The following BFSP1 variants were observed in gnomAD, a reference collection of about 807,000 sequenced individuals.
BFSP1 encodes beaded filament structural protein 1.
BFSP1 carries 38 observed loss-of-function variants against 43.9 expected under a neutral mutation model. The observed-to-expected ratio is 0.87, with a 90% CI of 0.67 to 1.14. The LOEUF (loss-of-function observed/expected upper bound fraction) is 1.14. BFSP1 is among the 50% of genes most tolerant of loss of function. BFSP1 has a pLI of 0.00. For missense variants in BFSP1, 850 were observed against 875.1 expected (o/e 0.97, Z 0.36); for synonymous variants, 352 against 354.8 (o/e 0.99, Z 0.09).
At chr20:17,520,210 G>GCCCCCCCCCCCCCCCCCCCCCCCCCCC (rs138070825) in intron 2 of BFSP1, among the ~76,000 whole-genome samples, 8 of 133,328 alleles carry the variant, frequency 6.0e-5, no homozygotes, top group African/African-American at 1.2e-4. Flanking sequence ...GTTTTAACGT[G>GCCCCCCCCCCCCCCCCCCCCCCCCCCC]CCCCCCCACC....
intron 1 of BFSP1, among the ~76,000 whole-genome samples, chr20:17,529,568 CA>C (rs975165207): frequency 4.1e-5 from 6 of 146,062 alleles, no homozygotes; most frequent in South Asian, 2.2e-4. Context: ...TTTATGCAAG[CA>C]AAAAAAAAAC....
chr20:17,538,527 C>T (rs2034665806), intron 1 of BFSP1, among the ~76,000 whole-genome samples: 1 of 152,166 alleles, frequency 6.6e-6, no homozygotes, highest in Non-Finnish European at 1.5e-5. Context: ...CTTTGATTCA[C>T]CAGATGGTAT....
At chr20:17,533,226 A>C (rs2034576586), upstream of BFSP1, among the ~76,000 whole-genome samples, 1 of 152,128 alleles carries the variant, frequency 6.6e-6, no homozygotes, top group African/African-American at 2.4e-5. Context: ...AAATACATAA[A>C]ATGTAATTGT....
chr20:17,569,053 G>A (rs1334229755), intron 1 of BFSP1: 1 of 152,170 alleles, frequency 6.6e-6, no homozygotes, highest in Non-Finnish European at 1.5e-5. Context: ...ACTGAGCGGC[G>A]GGGCTGGCGC....
intron 1 of BFSP1, among the ~76,000 whole-genome samples, chr20:17,554,943 A>G (rs944469429): frequency 2.0e-5 from 3 of 152,218 alleles, no homozygotes; most frequent in Admixed American, 2.0e-4. Context: ...AATGAATTAT[A>G]ATTAACTAAA....
rs974152348 is a variant in BFSP1 at position 17,494,498 on chromosome 20, T to C, written c.1574A>G (p.Gln525Arg). 35 of 1,614,098 alleles carry C rather than the reference T, an allele frequency of 2.2e-5. No individual in the cohort carries two copies. Among genetic ancestry groups the C allele is most frequent in the Non-Finnish European group, 2.9e-5 (34 of 1,180,038 alleles). Reference protein sequence around the residue: ...ESPKPPLENGQVGLQEKEDGQ... With the variant: ...ESPKPPLENGRVGLQEKEDGQ... ...ATCTTCTTTCTCCTGCAGACCCACCTGCCCATTCTCTAAAGGGGGCTTGGG... is the reference window on the plus strand; with the variant it reads ...ATCTTCTTTCTCCTGCAGACCCACCCGCCCATTCTCTAAAGGGGGCTTGGG... The change falls in exon 8 of 8, where the codon CAG (glutamine) becomes CGG (arginine). Residue 525 changes from glutamine (Q) to arginine (R), a missense_variant. Transcript: ENST00000377873.
chr20:17,522,926 C>T (rs966043857), intron 2 of BFSP1, among the ~76,000 whole-genome samples: 3 of 152,204 alleles, frequency 2.0e-5, no homozygotes, highest in Admixed American at 6.5e-5. Context: ...ACACTCCTCG[C>T]TGGGGCTCTG....
chr20:17,530,767 T>G (rs2034516033), intron 1 of BFSP1, among the ~76,000 whole-genome samples, 186 bp downstream of exon 1: 1 of 152,244 alleles, frequency 6.6e-6, no homozygotes, highest in Admixed American at 6.5e-5. Context: ...AACTGTGACG[T>G]GCCATCAAAA....
chr20:17,494,134 C>CT lies in BFSP1; in HGVS notation c.1937_1938insA (p.Glu647GlyfsTer28), dbSNP rs747929378. ...ACTTTGTCTTTCCAATCATGGTCTC[C>CT]ACGATCACAGCGGTTTCTTCATATG... On this transcript the variant is annotated frameshift_variant, in exon 8 of 8. Transcript: ENST00000377873. LOFTEE classifies it high-confidence loss of function. 26 of 1,614,040 alleles carry CT rather than the reference C, an allele frequency of 1.6e-5. No homozygotes were observed. The highest frequency in any genetic ancestry group is 1.3e-5 in the African/African-American group (1 of 74,918).
At chr20:17,502,177 A>G (rs900484475) in intron 5 of BFSP1, among the ~76,000 whole-genome samples, 43 of 137,896 alleles carry the variant, frequency 3.1e-4, no homozygotes, top group Non-Finnish European at 5.9e-4. Context: ...GCTCCTTTGG[A>G]AAAAAAAAAA....
chr20:17,567,512 A>C (rs2035132867), intron 1 of BFSP1, among the ~76,000 whole-genome samples: 1 of 152,118 alleles, frequency 6.6e-6, no homozygotes, highest in African/African-American at 2.4e-5. Flanking sequence ...TCCACCCCTC[A>C]ACCCCGGAAT....
In BFSP1 at chr20:17,507,558, C is replaced by T. The variant is rs1305670870; in HGVS notation, c.735+1331G>A. Among the ~76,000 whole-genome samples, 2 of 151,998 alleles carry T rather than the reference C, an allele frequency of 1.3e-5. No homozygotes were observed. Among genetic ancestry groups the T allele is most frequent in the African/African-American group, 4.8e-5 (2 of 41,382 alleles). On this transcript the variant is annotated intron_variant, in intron 5 of 7. Coordinates refer to ENST00000377873, the MANE Select transcript of BFSP1 (RefSeq NM_001195.5). The surrounding 1 kb of genome is among the most constrained non-coding windows in gnomAD (Gnocchi z 4.4). ...GTATCCACGTCCCTATTCACATACA[C>T]AGCACACACACATACACATGACACA...
intron 1 of BFSP1, among the ~76,000 whole-genome samples, chr20:17,528,150 T>C (rs75190333): frequency 0.013 from 2,040 of 152,318 alleles, 15 homozygotes; most frequent in Non-Finnish European, 0.024. Flanking sequence ...TGTGTGTGCC[T>C]ATGGATGTGG....
chr20:17,503,704 G>A (rs1443811936), intron 5 of BFSP1, among the ~76,000 whole-genome samples: 1 of 152,170 alleles, frequency 6.6e-6, no homozygotes, highest in African/African-American at 2.4e-5. Context: ...CCTCCTCCCT[G>A]CTGCAGGCAA....
intron 5 of BFSP1, among the ~76,000 whole-genome samples, chr20:17,504,075 T>A (rs559108948): frequency 6.6e-6 from 1 of 152,210 alleles, no homozygotes; most frequent in African/African-American, 2.4e-5. Context: ...TGTGCATTTG[T>A]GTTTGTTTGA....
rs528982215 is a variant in BFSP1, at chr20:17,498,536, C to G, written c.956+284G>C. ...AGGCCTATGAGCAAAACACAGGCTT[C>G]TCAGTGAGGCCTTTTCTGACCACCC... On this transcript the variant is annotated intron_variant, in intron 6 of 7. Coordinates refer to ENST00000377873, the MANE Select transcript of BFSP1 (RefSeq NM_001195.5). 2.4e-3 allele frequency among the ~76,000 whole-genome samples: 370 copies of G among 152,310 alleles called. 1 individual carries two copies. The highest frequency in any genetic ancestry group is 3.0e-3 in the Non-Finnish European group (203 of 68,016).
chr20:17,549,878 A>G (rs1248919119), intron 1 of BFSP1, among the ~76,000 whole-genome samples: 1 of 152,112 alleles, frequency 6.6e-6, no homozygotes, highest in East Asian at 1.9e-4. Flanking sequence ...ACCACTCATA[A>G]AGGATCTACC....
chr20:17,515,326 C>T lies in BFSP1; in HGVS notation c.439-510G>A, dbSNP rs1250435363. On this transcript the variant is annotated intron_variant, in intron 2 of 7. Coordinates refer to ENST00000377873, the MANE Select transcript of BFSP1 (RefSeq NM_001195.5). ...TAACGTCTATATTTGTTCTATATCT[C>T]ATCATCAGTGAGTTGGGTTTCTAAG... Among the ~76,000 whole-genome samples the T allele has an allele frequency of 3.3e-5, 5 of 152,162 alleles. No individual in the cohort carries two copies. In the East Asian group the frequency reaches 7.7e-4, roughly 23 times the overall value.
chr20:17,545,129 A>G (rs1327526559), intron 1 of BFSP1, among the ~76,000 whole-genome samples: 1 of 152,234 alleles, frequency 6.6e-6, no homozygotes, highest in Non-Finnish European at 1.5e-5. Context: ...AATGGAGCTT[A>G]TGCCCAGGCA....
Sources: allele counts gnomAD v4.1 joint callset (sites outside exome capture counted in the v4.1 genomes callset), GRCh38; gene constraint gnomAD v4.1.1; non-coding constraint Gnocchi (gnomAD v3.1); transcripts MANE v1.5; gene names NCBI Gene and HGNC (gene_info 2026-07-23, HGNC 2026-07-21).